The following GRID2 variants were observed in gnomAD, a reference collection of about 807,000 sequenced individuals.
GRID2 encodes glutamate ionotropic receptor delta type subunit 2.
A neutral mutation model predicts 114.8 loss-of-function variants in GRID2; 33 were observed. The ratio of observed to expected loss-of-function variants is 0.29; its 90% confidence interval spans 0.22 to 0.38. The LOEUF is 0.38. GRID2 is among the 10% of genes least tolerant of loss of function. GRID2 has a pLI of 1.00. For synonymous variants in GRID2, 505 were observed against 449.9 expected (o/e 1.12, Z -1.55); for missense variants, 1,184 against 1,257.7 (o/e 0.94, Z 0.89).
intron 14 of GRID2, among the ~76,000 whole-genome samples, chr4:93,720,573 A>G (rs1038378136): frequency 6.6e-6 from 1 of 152,214 alleles, no homozygotes; most frequent in Non-Finnish European, 1.5e-5. Context: ...TTTTGCACAT[A>G]TTGGAATGAT....
intron 2 of GRID2, among the ~76,000 whole-genome samples, chr4:93,032,272 G>T (rs1412196132): frequency 6.6e-6 from 1 of 152,084 alleles, no homozygotes; most frequent in African/African-American, 2.4e-5. Flanking sequence ...AAAACCAAAG[G>T]ATGATTTTGA....
At chr4:92,739,590 T>C (rs995112811) in intron 2 of GRID2, among the ~76,000 whole-genome samples, 1 of 152,150 alleles carries the variant, frequency 6.6e-6, no homozygotes, top group African/African-American at 2.4e-5. Flanking sequence ...TGAAGTGTTT[T>C]GGTGGAAGAG....
chr4:93,414,135 T>C (rs533309574), intron 9 of GRID2, among the ~76,000 whole-genome samples: 1 of 152,274 alleles, frequency 6.6e-6, no homozygotes, highest in Non-Finnish European at 1.5e-5. Flanking sequence ...TCAACAAATT[T>C]CATCAGCTCT....
At chr4:93,649,588 A>C (rs1722408559) in intron 14 of GRID2, among the ~76,000 whole-genome samples, 1 of 152,176 alleles carries the variant, frequency 6.6e-6, no homozygotes, top group African/African-American at 2.4e-5. Context: ...CACACCATAA[A>C]GTCTATAGGT....
chr4:93,599,471 T>C (rs2149636503), intron 13 of GRID2, among the ~76,000 whole-genome samples: 1 of 152,336 alleles, frequency 6.6e-6, no homozygotes, highest in East Asian at 1.9e-4. Context: ...AATAATTTTA[T>C]CATCATTGAA....
At chr4:92,601,203 A>C (rs1223093737) in intron 2 of GRID2, among the ~76,000 whole-genome samples, 2 of 151,970 alleles carry the variant, frequency 1.3e-5, no homozygotes, top group Non-Finnish European at 2.9e-5. Flanking sequence ...TATCAATAGA[A>C]CTCTCCACCC....
intron 8 of GRID2, chr4:93,282,404 A>G: frequency 2.2e-6 from 1 of 448,546 alleles, no homozygotes; most frequent in Non-Finnish European, 4.5e-6. Context: ...TTCAAGATCA[A>G]GGAGTCTGCA....
chr4:92,470,531 CCTT>C (rs1291736455), intron 1 of GRID2, among the ~76,000 whole-genome samples: 20 of 151,962 alleles, frequency 1.3e-4, no homozygotes, highest in African/African-American at 4.8e-4. Context: ...AAGTCCTCAT[CCTT>C]CTTTAATAGA....
intron 2 of GRID2, among the ~76,000 whole-genome samples, chr4:92,644,845 AAATTTTACAT>A (rs1271609901): frequency 1.3e-5 from 2 of 151,574 alleles, no homozygotes; most frequent in Admixed American, 6.6e-5. Context: ...ATACTACATC[AAATTTTACAT>A]AGTAAAATAT....
intron 13 of GRID2, among the ~76,000 whole-genome samples, chr4:93,611,514 G>C (rs1740909962): frequency 7.1e-6 from 1 of 141,830 alleles, no homozygotes; most frequent in African/African-American, 2.9e-5. Flanking sequence ...GGTATGTTGT[G>C]TCTTTGTTCT....
chr4:93,212,167 A>G (rs976262816), intron 5 of GRID2, among the ~76,000 whole-genome samples: 2 of 152,164 alleles, frequency 1.3e-5, no homozygotes, highest in African/African-American at 2.4e-5. Flanking sequence ...CTGAACGTGG[A>G]GAACATGAAT....
chr4:92,857,771 T>C (rs1039480795), intron 2 of GRID2, among the ~76,000 whole-genome samples: 16 of 152,314 alleles, frequency 1.1e-4, no homozygotes, highest in African/African-American at 3.8e-4. Context: ...CCAATGTAGA[T>C]AGGACAGCCT....
At chr4:92,399,307 G>A (rs182663179) in intron 1 of GRID2, among the ~76,000 whole-genome samples, 94 of 152,058 alleles carry the variant, frequency 6.2e-4, no homozygotes, top group Non-Finnish European at 1.1e-3. Context: ...CCCTTCCTCC[G>A]TTGAGCTCAT....
intron 7 of GRID2, among the ~76,000 whole-genome samples, chr4:93,227,435 G>A (rs1322463374): frequency 2.0e-5 from 3 of 151,822 alleles, no homozygotes; most frequent in Non-Finnish European, 2.9e-5. Context: ...CATCATGTTG[G>A]CCAGGCCGTT....
chr4:93,230,085 G>A (rs1273246397), intron 7 of GRID2, among the ~76,000 whole-genome samples: 10 of 151,818 alleles, frequency 6.6e-5, no homozygotes, highest in Non-Finnish European at 1.5e-4. Context: ...AAGATTTATA[G>A]TGTTCTTCAC....
At chr4:93,075,408 A>G (rs1363472041) in intron 2 of GRID2, among the ~76,000 whole-genome samples, 1 of 152,200 alleles carries the variant, frequency 6.6e-6, no homozygotes, top group Non-Finnish European at 1.5e-5. Context: ...CCTAAAAATC[A>G]GGAAAAGGGG....
At chr4:92,459,850 G>GTT (rs1721393347) in intron 1 of GRID2, among the ~76,000 whole-genome samples, 1 of 150,718 alleles carries the variant, frequency 6.6e-6, no homozygotes, top group Admixed American at 6.7e-5. Context: ...GTCTCATCCA[G>GTT]TCAGTTGGAG....
intron 2 of GRID2, among the ~76,000 whole-genome samples, chr4:92,962,382 T>C (rs1253930723): frequency 6.6e-6 from 1 of 151,828 alleles, no homozygotes; most frequent in Non-Finnish European, 1.5e-5. Context: ...GCCTCTGGAC[T>C]GCAACCTTCA....
At chr4:93,063,249 G>T (rs941510856) in intron 2 of GRID2, among the ~76,000 whole-genome samples, 5 of 151,876 alleles carry the variant, frequency 3.3e-5, no homozygotes, top group African/African-American at 1.2e-4. Context: ...ACACTAAGAG[G>T]TGTGCATGTT....
Sources: allele counts gnomAD v4.1 joint callset (sites outside exome capture counted in the v4.1 genomes callset), GRCh38; gene constraint gnomAD v4.1.1; transcripts MANE v1.5; gene names NCBI Gene and HGNC (gene_info 2026-07-23, HGNC 2026-07-21).